Variants in PPP2R2A observed in about 807,000 individuals in gnomAD.
The protein encoded by PPP2R2A is serine/threonine-protein phosphatase 2A 55 kDa regulatory subunit B alpha isoform.
In PPP2R2A, 9 loss-of-function variants were observed where a neutral mutation model predicts 53.2. The observed-to-expected ratio is 0.17, with a 90% CI of 0.10 to 0.30. The LOEUF is 0.30. Ranked by LOEUF, PPP2R2A falls within the 10% of genes least tolerant of loss-of-function variation. The pLI, the probability that PPP2R2A is intolerant of heterozygous loss-of-function variation, is 1.00. For missense variants in PPP2R2A, 235 were observed against 534.6 expected (o/e 0.44, Z 5.53); for synonymous variants, 169 against 174.2 (o/e 0.97, Z 0.23).
chr8:26,340,404 G>C (rs1803881096), intron 3 of PPP2R2A, among the ~76,000 whole-genome samples: 1 of 152,006 alleles, frequency 6.6e-6, no homozygotes. Context: ...GTTTAGAGCA[G>C]ACCTTCCCAT....
At chr8:26,353,087 A>G (rs1206120778) in intron 3 of PPP2R2A, among the ~76,000 whole-genome samples, 3 of 152,186 alleles carry the variant, frequency 2.0e-5, no homozygotes, top group African/African-American at 7.2e-5. Context: ...ATTTTGTGAG[A>G]CTGGGTGAGT....
intron 9 of PPP2R2A, among the ~76,000 whole-genome samples, chr8:26,367,310 A>C (rs1805425774): frequency 6.6e-6 from 1 of 152,224 alleles, no homozygotes; most frequent in Admixed American, 6.5e-5. Flanking sequence ...GAAAGGGAAG[A>C]AGAAAAAAAA....
intron 2 of PPP2R2A, among the ~76,000 whole-genome samples, chr8:26,337,760 G>A (rs887206173): frequency 3.3e-5 from 5 of 152,208 alleles, no homozygotes; most frequent in African/African-American, 4.8e-5. Context: ...ACTTAAATAT[G>A]TGCAGTTTTG....
intron 3 of PPP2R2A, among the ~76,000 whole-genome samples, chr8:26,348,122 G>T (rs563022757): frequency 6.6e-6 from 1 of 152,128 alleles, no homozygotes; most frequent in South Asian, 2.1e-4. Context: ...CTATATAGAA[G>T]ATGAACATTA....
At position 26,371,618 on chromosome 8, in the gene PPP2R2A, T is replaced by C. The variant is rs1198120616; in HGVS notation, c.*1205T>C. 6.6e-6 allele frequency: 1 copy of C among 152,202 alleles called. No individual in the cohort carries two copies. Among genetic ancestry groups the C allele is most frequent in the Non-Finnish European group, 1.5e-5 (1 of 68,034 alleles). 9.4% of individuals were successfully genotyped at this position (152,202 alleles called of 1,614,324 possible). A position where few individuals can be genotyped will look rare whatever the true frequency, so the allele number is the denominator to read the frequency against. ...CAAGTGACACTGCACTAAATACTTTTTTTGTATTTTACTGCTATCAAATCA... is the reference window on the plus strand; with the variant it reads ...CAAGTGACACTGCACTAAATACTTTCTTTGTATTTTACTGCTATCAAATCA... On this transcript the variant is annotated 3_prime_UTR_variant, in exon 10 of 10. Coordinates refer to ENST00000380737, the MANE Select transcript of PPP2R2A (RefSeq NM_002717.4).
intron 4 of PPP2R2A, among the ~76,000 whole-genome samples, chr8:26,359,321 A>G (rs1374789932): frequency 6.6e-6 from 1 of 152,206 alleles, no homozygotes; most frequent in Non-Finnish European, 1.5e-5. Flanking sequence ...GTTAGTGGAA[A>G]ACCTGGTTAA....
At chr8:26,341,950 C>T (rs1803964374) in intron 3 of PPP2R2A, among the ~76,000 whole-genome samples, 1 of 152,108 alleles carries the variant, frequency 6.6e-6, no homozygotes, top group African/African-American at 2.4e-5. Context: ...GTGATCCAGG[C>T]GGGTATCTGT....
At chr8:26,329,090 T>A (rs1255524361) in intron 2 of PPP2R2A, among the ~76,000 whole-genome samples, 2 of 152,164 alleles carry the variant, frequency 1.3e-5, no homozygotes, top group Non-Finnish European at 2.9e-5. Context: ...ATATTTAGAT[T>A]CCTATAAAAC....
chr8:26,367,499 T>A (rs939120728), intron 9 of PPP2R2A, among the ~76,000 whole-genome samples: 1 of 152,182 alleles, frequency 6.6e-6, no homozygotes, highest in African/African-American at 2.4e-5. Flanking sequence ...TTAGAGAAAA[T>A]TTGTTAGAAT....
intron 2 of PPP2R2A, among the ~76,000 whole-genome samples, chr8:26,320,540 C>A (rs1802783255): frequency 6.6e-6 from 1 of 152,070 alleles, no homozygotes; most frequent in Non-Finnish European, 1.5e-5. Flanking sequence ...TATGTATATT[C>A]CACAGTGCCA....
chr8:26,293,407 AG>A, intron 1 of PPP2R2A: 1 of 843,074 alleles, frequency 1.2e-6, no homozygotes. Context: ...TGTATTTGAC[AG>A]GAAGTTTGTG....
intron 2 of PPP2R2A, among the ~76,000 whole-genome samples, chr8:26,319,459 C>G (rs975365102): frequency 1.1e-4 from 17 of 150,682 alleles, no homozygotes; most frequent in Non-Finnish European, 6.0e-5. Context: ...CTCATTAACA[C>G]TTTCTACTTT....
At chr8:26,314,605 T>A (rs1225951941) in intron 2 of PPP2R2A, among the ~76,000 whole-genome samples, 1 of 152,244 alleles carries the variant, frequency 6.6e-6, no homozygotes, top group African/African-American at 2.4e-5. Flanking sequence ...ACTTTCAAGT[T>A]TGGCTGGTTA....
chr8:26,309,249 G>A lies in PPP2R2A; in HGVS notation c.82+15509G>A, dbSNP rs576810902. 4.6e-5 allele frequency among the ~76,000 whole-genome samples: 7 copies of A among 152,312 alleles called. No individual in the cohort carries two copies. In the South Asian group the frequency reaches 1.2e-3, roughly 27 times the overall value. On this transcript the variant is annotated intron_variant, in intron 2 of 9. Coordinates refer to ENST00000380737, the MANE Select transcript of PPP2R2A (RefSeq NM_002717.4). ...TACAGAATGAATATTGTGTTAGCAG[G>A]CATGTAAACAACATCTCCTTGTCCC...
chr8:26,310,645 C>T (rs1401597145), intron 2 of PPP2R2A, among the ~76,000 whole-genome samples: 3 of 141,820 alleles, frequency 2.1e-5, no homozygotes, highest in Non-Finnish European at 3.0e-5. Context: ...ATTGCTGGGT[C>T]GAAAGGTGTG....
At chr8:26,355,809 G>T (rs1199693066) in intron 4 of PPP2R2A, among the ~76,000 whole-genome samples, 2 of 151,064 alleles carry the variant, frequency 1.3e-5, no homozygotes, top group East Asian at 2.0e-4. Context: ...GGCAGAGCTT[G>T]CAGTGAGCCG....
intron 2 of PPP2R2A, among the ~76,000 whole-genome samples, chr8:26,319,306 T>C (rs1285660646): frequency 6.6e-6 from 1 of 152,208 alleles, no homozygotes; most frequent in African/African-American, 2.4e-5. Context: ...CTGCTTTGAA[T>C]TATTTTTGGT....
At chr8:26,309,014 C>G (rs1802153572) in intron 2 of PPP2R2A, among the ~76,000 whole-genome samples, 1 of 152,126 alleles carries the variant, frequency 6.6e-6, no homozygotes, top group African/African-American at 2.4e-5. Context: ...GTGTGCGCCA[C>G]TACACCTGGC....
chr8:26,291,954 G>T (rs537087757), intron 1 of PPP2R2A, 128 bp downstream of exon 1: 3 of 1,132,026 alleles, frequency 2.7e-6, no homozygotes, highest in Non-Finnish European at 3.6e-6. Flanking sequence ...AGGGAGTAGG[G>T]TCCAGAGGGG....
Sources: gnomAD v4.1 joint callset for allele counts (sites outside exome capture counted in the v4.1 genomes callset) on GRCh38, gnomAD v4.1.1 for gene constraint, MANE v1.5 for transcripts, NCBI Gene and HGNC (gene_info 2026-07-23, HGNC 2026-07-21) for gene names.